Variants in SLC67A2 observed in about 807,000 individuals in gnomAD.
The protein encoded by SLC67A2 is solute carrier family 67 member A2.
At chr2:102,718,463 C>T in the SLC67A2 span, 31 of 1,614,130 alleles carry the variant, frequency 1.9e-5, no homozygotes, top group East Asian at 4.5e-5. Context: ...ACTAGAGTGT[C>T]GCTTGTTTAG....
chr2:102,715,966 C>T, the SLC67A2 span: 2 of 152,090 alleles, frequency 1.3e-5, no homozygotes, highest in African/African-American at 2.4e-5. Flanking sequence ...TTAAAATGGT[C>T]CCCAACATGT....
chr2:102,729,242 GA>G, the SLC67A2 span, among the ~76,000 whole-genome samples: 1 of 151,516 alleles, frequency 6.6e-6, no homozygotes, highest in African/African-American at 2.4e-5. Flanking sequence ...AACAACAAAG[GA>G]AAATCTGAAA....
chr2:102,736,681 G>C, the SLC67A2 span: 2 of 1,613,596 alleles, frequency 1.2e-6, no homozygotes, highest in Non-Finnish European at 1.7e-6. Context: ...AGCAGGAAGC[G>C]GCGGGCTCCG....
the SLC67A2 span, chr2:102,736,535 G>A: frequency 3.7e-6 from 6 of 1,604,124 alleles, no homozygotes; most frequent in Middle Eastern, 1.7e-4. Context: ...CTCACCAGGC[G>A]GACTGCGGGT....
the SLC67A2 span, among the ~76,000 whole-genome samples, chr2:102,721,142 G>A: frequency 6.6e-6 from 1 of 152,202 alleles, no homozygotes; most frequent in East Asian, 1.9e-4. Context: ...GCTTAAGATA[G>A]GGCAACATAT....
chr2:102,731,376 T>C, the SLC67A2 span, among the ~76,000 whole-genome samples: 2 of 152,206 alleles, frequency 1.3e-5, no homozygotes, highest in Admixed American at 6.5e-5. Flanking sequence ...TGAGATTGTG[T>C]AGCTTCAACT....
chr2:102,730,937 C>T, the SLC67A2 span: 9 of 1,100,964 alleles, frequency 8.2e-6, no homozygotes, highest in Non-Finnish European at 1.1e-5. Flanking sequence ...TAAAGGTGTT[C>T]TCATCCCAAA....
the SLC67A2 span, chr2:102,718,783 C>T: frequency 1.2e-6 from 2 of 1,613,806 alleles, no homozygotes; most frequent in African/African-American, 1.3e-5. Context: ...TGGAATGCAG[C>T]AGCAGTGCCT....
At chr2:102,727,268 C>G in the SLC67A2 span, among the ~76,000 whole-genome samples, 1 of 151,938 alleles carries the variant, frequency 6.6e-6, no homozygotes, top group Non-Finnish European at 1.5e-5. Context: ...ATTTATAAAG[C>G]CTCATTATTG....
the SLC67A2 span, chr2:102,732,417 A>G: frequency 1.9e-6 from 3 of 1,601,426 alleles, no homozygotes; most frequent in Non-Finnish European, 2.6e-6. Flanking sequence ...ATCCTAAAAC[A>G]AAATAAATGC....
the SLC67A2 span, among the ~76,000 whole-genome samples, chr2:102,721,460 T>C: frequency 6.6e-6 from 1 of 152,196 alleles, no homozygotes; most frequent in East Asian, 1.9e-4. Context: ...GAAATCATCA[T>C]GCAAAAGAGA....
chr2:102,720,419 T>C, the SLC67A2 span, among the ~76,000 whole-genome samples: 6 of 152,306 alleles, frequency 3.9e-5, no homozygotes, highest in African/African-American at 9.6e-5. Flanking sequence ...AAAATGATGA[T>C]GATGATGGCA....
At chr2:102,736,737 T>A in the SLC67A2 span, 4 of 1,613,766 alleles carry the variant, frequency 2.5e-6, no homozygotes, top group Non-Finnish European at 3.4e-6. Context: ...TGTCTTCTGC[T>A]CCTGTTTCCG....
the SLC67A2 span, chr2:102,723,895 TG>T: frequency 6.2e-7 from 1 of 1,613,726 alleles, no homozygotes; most frequent in Non-Finnish European, 8.5e-7. Context: ...ATGGAGAGAG[TG>T]TGTTTAAAAA....
chr2:102,720,479 C>T, the SLC67A2 span, among the ~76,000 whole-genome samples: 1 of 152,180 alleles, frequency 6.6e-6, no homozygotes, highest in African/African-American at 2.4e-5. Flanking sequence ...ACCTACCCAT[C>T]CATCTGTCCA....
At chr2:102,728,283 T>C in the SLC67A2 span, among the ~76,000 whole-genome samples, 2 of 152,160 alleles carry the variant, frequency 1.3e-5, no homozygotes, top group Non-Finnish European at 2.9e-5. Flanking sequence ...TCTCCATTAG[T>C]CCCGGCTAGG....
the SLC67A2 span, among the ~76,000 whole-genome samples, chr2:102,731,301 A>C: frequency 6.6e-6 from 1 of 152,208 alleles, no homozygotes; most frequent in Non-Finnish European, 1.5e-5. Context: ...ATTGAGGGTA[A>C]ACAGAAGAGA....
At chr2:102,715,365 T>C in the SLC67A2 span, among the ~76,000 whole-genome samples, 1 of 152,012 alleles carries the variant, frequency 6.6e-6, no homozygotes, top group Non-Finnish European at 1.5e-5. Context: ...TGCTTCAGAG[T>C]CTGGTTCCTG....
the SLC67A2 span, chr2:102,718,521 G>A: frequency 4.3e-6 from 7 of 1,613,692 alleles, no homozygotes; most frequent in Non-Finnish European, 5.9e-6. Context: ...CCCAGGCTGG[G>A]GGGGCCGCAA....
Sources: allele counts gnomAD v4.1 joint callset (sites outside exome capture counted in the v4.1 genomes callset), GRCh38; gene constraint gnomAD v4.1.1; transcripts MANE v1.5; gene names NCBI Gene and HGNC (gene_info 2026-07-23, HGNC 2026-07-21).